Variants in KIAA1217 observed in about 807,000 individuals in gnomAD.
KIAA1217 encodes KIAA1217, also known as sickle tail protein homolog.
KIAA1217 carries 88 observed loss-of-function variants against 163.9 expected under a neutral mutation model. The observed-to-expected ratio is 0.54, with a 90% CI of 0.45 to 0.64. The LOEUF (loss-of-function observed/expected upper bound fraction) is 0.64, where lower values mean the gene tolerates loss of function less well. Among genes scored for constraint, KIAA1217 ranks in the 30% least tolerant of loss-of-function variants. KIAA1217 has a pLI of 0.00. For synonymous variants in KIAA1217, 903 were observed against 923.1 expected, an observed-to-expected ratio of 0.98 and a Z score of 0.39; for missense variants, 2,372 against 2,475.0, an observed-to-expected ratio of 0.96 and a Z score of 0.88.
intron 1 of KIAA1217, among the ~76,000 whole-genome samples, chr10:23,921,070 C>T (rs1024129255): frequency 1.2e-4 from 19 of 152,124 alleles, no homozygotes; most frequent in Admixed American, 7.2e-4. Context: ...TTATAAATTA[C>T]GAAGTCTCAG....
At chr10:24,380,651 A>AATAC (rs953405233) in intron 2 of KIAA1217, among the ~76,000 whole-genome samples, 10 of 127,158 alleles carry the variant, frequency 7.9e-5, no homozygotes, top group South Asian at 2.5e-4. Context: ...TAAATAAATA[A>AATAC]ATACAATGGA....
At chr10:23,972,146 A>G (rs7918576) in intron 1 of KIAA1217, among the ~76,000 whole-genome samples, 33,942 of 152,134 alleles carry the variant, frequency 0.22, 3,924 homozygotes, top group Middle Eastern at 0.31. Flanking sequence ...GCCATTGGTC[A>G]CTCATATTTA....
rs370220152 is a variant in KIAA1217, at chr10:24,545,131, A to T, written c.5334+28A>T. ...AGTTTTACCTTAAACCCACTTTTGG[A>T]TGGACGCTATTTCAGTTAAGCAAGT... is the stretch of plus-strand genomic sequence containing the variant. On this transcript the variant is annotated intron_variant, in intron 20 of 20. Transcript: ENST00000376454. The T allele has an allele frequency of 1.9e-5, 30 of 1,613,504 alleles. No individual in the cohort carries two copies. In the African/African-American group the frequency reaches 3.9e-4, roughly 21 times the overall value.
At chr10:23,799,959 T>A (rs1836392128) in intron 1 of KIAA1217, among the ~76,000 whole-genome samples, 1 of 152,198 alleles carries the variant, frequency 6.6e-6, no homozygotes, top group African/African-American at 2.4e-5. Flanking sequence ...CAAGATTAAT[T>A]TGAAAGTGAT....
chr10:24,178,456 A>C (rs1293562303), intron 2 of KIAA1217, among the ~76,000 whole-genome samples: 1 of 152,196 alleles, frequency 6.6e-6, no homozygotes, highest in African/African-American at 2.4e-5. Flanking sequence ...CTGAGGTGCT[A>C]TGATGGGATT....
At chr10:24,446,125 T>C (rs1306790450) in intron 5 of KIAA1217, among the ~76,000 whole-genome samples, 2 of 152,216 alleles carry the variant, frequency 1.3e-5, no homozygotes, top group Non-Finnish European at 2.9e-5. Context: ...ATTTCTCTGA[T>C]GGCCAGTGAT....
intron 2 of KIAA1217, among the ~76,000 whole-genome samples, chr10:24,038,528 T>C (rs1248308807): frequency 6.6e-6 from 1 of 152,138 alleles, no homozygotes; most frequent in Non-Finnish European, 1.5e-5. Flanking sequence ...ATAACCTGTT[T>C]ATGGCAGGTA....
intron 2 of KIAA1217, among the ~76,000 whole-genome samples, chr10:24,094,967 G>A (rs557552680): frequency 1.5e-3 from 223 of 152,282 alleles, no homozygotes; most frequent in African/African-American, 4.9e-3. Flanking sequence ...CCTGGCTGCC[G>A]CCTTGCAGTT....
At chr10:24,399,930 A>C (rs1178500304) in intron 3 of KIAA1217, among the ~76,000 whole-genome samples, 1 of 152,238 alleles carries the variant, frequency 6.6e-6, no homozygotes, top group African/African-American at 2.4e-5. Context: ...AAAAGTGAAG[A>C]AGAATATCAA....
At chr10:24,272,425 A>G (rs999101676) in intron 2 of KIAA1217, among the ~76,000 whole-genome samples, 3 of 152,218 alleles carry the variant, frequency 2.0e-5, no homozygotes, top group Admixed American at 6.5e-5. Flanking sequence ...CTGAGTTTTC[A>G]TTCAGTTCTA....
chr10:23,945,900 A>T (rs4748919), intron 1 of KIAA1217, among the ~76,000 whole-genome samples: 44,415 of 151,954 alleles, frequency 0.29, 6,912 homozygotes, highest in African/African-American at 0.4. Context: ...AGTGCTCTAT[A>T]TATATCCTTC....
chr10:24,453,472 A>G (rs1012810527), intron 5 of KIAA1217, among the ~76,000 whole-genome samples: 3 of 152,250 alleles, frequency 2.0e-5, no homozygotes, highest in Non-Finnish European at 4.4e-5. Context: ...CCAGATTTAG[A>G]TTATCCAGTA....
At chr10:24,502,829 G>GA (rs887848477) in intron 9 of KIAA1217, among the ~76,000 whole-genome samples, 9 of 151,838 alleles carry the variant, frequency 5.9e-5, no homozygotes, top group Non-Finnish European at 1.2e-4. Context: ...CATTTATACT[G>GA]AAAAAAAATT....
At chr10:24,415,102 A>ATC (rs869238669) in intron 3 of KIAA1217, among the ~76,000 whole-genome samples, 4 of 140,280 alleles carry the variant, frequency 2.9e-5, no homozygotes, top group East Asian at 2.1e-4. Context: ...TGGTAGCCTG[A>ATC]TCTCTCTCTT....
At chr10:24,389,105 C>T (rs6482392) in intron 3 of KIAA1217, among the ~76,000 whole-genome samples, 77,823 of 151,298 alleles carry the variant, frequency 0.51, 22,524 homozygotes, top group African/African-American at 0.8. Context: ...CACACACGTA[C>T]GTTTATTGCA....
At chr10:24,177,828 A>G (rs368821103) in intron 2 of KIAA1217, among the ~76,000 whole-genome samples, 22 of 152,248 alleles carry the variant, frequency 1.4e-4, no homozygotes, top group African/African-American at 5.1e-4. Context: ...TAAAAAACAA[A>G]ATCTGAGTGT....
intron 2 of KIAA1217, among the ~76,000 whole-genome samples, chr10:24,078,291 C>G (rs1260601319): frequency 6.6e-6 from 1 of 152,080 alleles, no homozygotes; most frequent in African/African-American, 2.4e-5. Flanking sequence ...GAGGACTGGC[C>G]GCAAGTGCAG....
chr10:24,375,737 G>T (rs1369408344), intron 2 of KIAA1217, among the ~76,000 whole-genome samples: 1 of 152,140 alleles, frequency 6.6e-6, no homozygotes, highest in Non-Finnish European at 1.5e-5. Flanking sequence ...GTGGCAAATT[G>T]GGCATTAATT....
At chr10:23,957,855 T>C (rs567979208) in intron 1 of KIAA1217, among the ~76,000 whole-genome samples, 12 of 152,212 alleles carry the variant, frequency 7.9e-5, no homozygotes, top group Non-Finnish European at 1.6e-4. Flanking sequence ...ACATTCTTAG[T>C]TGCATAATTA....
Sources: gnomAD v4.1 joint callset for allele counts (sites outside exome capture counted in the v4.1 genomes callset) on GRCh38, gnomAD v4.1.1 for gene constraint, MANE v1.5 for transcripts, NCBI Gene and HGNC (gene_info 2026-07-23, HGNC 2026-07-21) for gene names.